Variants in ASTN1 observed in about 807,000 individuals in gnomAD.
The protein encoded by ASTN1 is astrotactin 1.
Under a neutral mutation model 140.7 loss-of-function variants are expected in ASTN1, and 41 were observed. The ratio of observed to expected loss-of-function variants is 0.29; its 90% CI spans 0.23 to 0.38. The LOEUF (loss-of-function observed/expected upper bound fraction) is 0.38. Ranked by LOEUF, ASTN1 falls within the 10% of genes least tolerant of loss-of-function variation. ASTN1 has a pLI of 1.00. For synonymous variants in ASTN1, 640 were observed against 652.2 expected (o/e 0.98, Z 0.29); for missense variants, 1,479 against 1,678.8 (o/e 0.88, Z 2.08).
chr1:176,857,954 T>C (rs984912062), downstream of ASTN1, among the ~76,000 whole-genome samples: 2 of 152,168 alleles, frequency 1.3e-5, no homozygotes, highest in South Asian at 2.1e-4. Context: ...TGGACACCAA[T>C]AGCCTCAGGG....
intron 8 of ASTN1, among the ~76,000 whole-genome samples, chr1:177,009,659 T>C (rs1675188089): frequency 6.6e-6 from 1 of 152,202 alleles, no homozygotes; most frequent in Admixed American, 6.5e-5. Context: ...TAAGTGAATG[T>C]GTGTGTGCCT....
At chr1:177,038,735 A>G (rs1676842757) in intron 2 of ASTN1, among the ~76,000 whole-genome samples, 1 of 152,206 alleles carries the variant, frequency 6.6e-6, no homozygotes, top group African/African-American at 2.4e-5. Flanking sequence ...TGTTATGAAG[A>G]TAATGCGGTG....
Position 176,876,037 on chromosome 1 carries a change from A to G in ASTN1, c.3463+500T>C, listed in dbSNP as rs1668543892. 2.0e-5 allele frequency among the ~76,000 whole-genome samples: 3 copies of G among 152,368 alleles called. No homozygotes were observed. The South Asian group carries it at 6.2e-4, about 32-fold the overall frequency. ...TTGTACTAAAGACAGCCAGCTATTT[A>G]TCAAAGAACTGGCCCACAACTTCAA... On this transcript the variant is annotated intron_variant, in intron 21 of 22. Coordinates refer to ENST00000361833, the MANE Select transcript of ASTN1 (RefSeq NM_004319.3).
Position 176,945,150 on chromosome 1 carries a change from C to T in ASTN1, c.2249+776G>A, listed in dbSNP as rs549925737. On this transcript the variant is annotated intron_variant, in intron 13 of 22. Coordinates refer to ENST00000361833, the MANE Select transcript of ASTN1 (RefSeq NM_004319.3). ...CAGGGACAGGCATTGAATGGAGAAC[C>T]ACCTAGAAATATTCTAAATCAATGG... Among the ~76,000 whole-genome samples the T allele has an allele frequency of 4.6e-5, 7 of 152,092 alleles. No individual in the cohort carries two copies. In the South Asian group the frequency reaches 6.2e-4, roughly 14 times the overall value.
intron 9 of ASTN1, 87 bp downstream of exon 9, chr1:176,965,076 A>C (rs904671108): frequency 7.7e-7 from 1 of 1,297,836 alleles, no homozygotes; most frequent in East Asian, 2.3e-5. Flanking sequence ...CCTATTTTAT[A>C]CTTTACCAAC....
chr1:176,922,502 G>A (rs1670772032), intron 16 of ASTN1, among the ~76,000 whole-genome samples: 1 of 143,590 alleles, frequency 7.0e-6, no homozygotes. Context: ...GGCCAGCCTG[G>A]GATTCTTTTC....
intron 9 of ASTN1, among the ~76,000 whole-genome samples, chr1:176,964,081 A>G (rs1672773088): frequency 6.6e-6 from 1 of 152,186 alleles, no homozygotes; most frequent in Non-Finnish European, 1.5e-5. Context: ...CTACAGGAGG[A>G]GCAGTAGAAG....
rs2103006786 is a variant in ASTN1, at chr1:176,863,303, T to C, written c.*981A>G. On this transcript the variant is annotated 3_prime_UTR_variant, in exon 23 of 23. Transcript: ENST00000361833. ...TAGCTTTAGTTCACTGTAACACTGA[T>C]ATGAAAGTGTTGACCCCTCCTGGTC... 4 of 985,878 alleles carry C rather than the reference T, an allele frequency of 4.1e-6. No individual in the cohort carries two copies. Among genetic ancestry groups the C allele is most frequent in the Non-Finnish European group, 4.8e-6 (4 of 829,938 alleles). 61.1% of individuals were successfully genotyped at this position (985,878 alleles called of 1,614,324 possible).
intron 14 of ASTN1, among the ~76,000 whole-genome samples, chr1:176,938,879 C>T (rs1459012889): frequency 1.3e-5 from 2 of 151,934 alleles, no homozygotes; most frequent in Non-Finnish European, 2.9e-5. Context: ...TTTGGGAGGC[C>T]GAGGCAGGCA....
chr1:177,108,655 T>C (rs1680669347), intron 1 of ASTN1, among the ~76,000 whole-genome samples: 1 of 152,190 alleles, frequency 6.6e-6, no homozygotes, highest in Non-Finnish European at 1.5e-5. Context: ...ACCTTTTGGT[T>C]ATTGTGGATA....
At chr1:177,066,350 T>A (rs914242185) in intron 1 of ASTN1, among the ~76,000 whole-genome samples, 16 of 152,138 alleles carry the variant, frequency 1.1e-4, no homozygotes, top group Admixed American at 2.6e-4. Context: ...ATTGGAATAA[T>A]GAGATCTTGG....
intron 16 of ASTN1, among the ~76,000 whole-genome samples, chr1:176,921,605 T>C (rs1429163288): frequency 1.3e-5 from 2 of 152,204 alleles, no homozygotes; most frequent in East Asian, 3.9e-4. Flanking sequence ...CAATCACTAA[T>C]TGGAGGTACA....
chr1:177,130,020 T>C lies in ASTN1; in HGVS notation c.283+34374A>G, dbSNP rs559394132. On this transcript the variant is annotated intron_variant, in intron 1 of 22. Transcript: ENST00000361833. ...AAAGAACACTTCAATGTGAGTATTA[T>C]TACCTGCATTTCACAGATTAGAAAG... Among the ~76,000 whole-genome samples, 12 of 152,266 alleles carry C rather than the reference T, an allele frequency of 7.9e-5. No homozygotes were observed. In the East Asian group the frequency reaches 2.3e-3, roughly 29 times the overall value.
chr1:176,867,335 A>C (rs191862523), intron 22 of ASTN1, among the ~76,000 whole-genome samples: 3 of 152,220 alleles, frequency 2.0e-5, no homozygotes, highest in Non-Finnish European at 4.4e-5. Flanking sequence ...AGAGGGGAGC[A>C]GAGAGGAAAG....
chr1:177,071,302 C>A (rs1251511017), intron 1 of ASTN1, among the ~76,000 whole-genome samples: 1 of 152,202 alleles, frequency 6.6e-6, no homozygotes, highest in African/African-American at 2.4e-5. Context: ...TTGTCAGGCA[C>A]TTAGCAAGGC....
chr1:176,967,226 A>G (rs1287811774), intron 8 of ASTN1, among the ~76,000 whole-genome samples: 1 of 152,208 alleles, frequency 6.6e-6, no homozygotes, highest in Non-Finnish European at 1.5e-5. Context: ...CTCTTGCATC[A>G]AATAAAAGGC....
At chr1:176,874,229 C>CA (rs1294137204) in intron 21 of ASTN1, among the ~76,000 whole-genome samples, 8 of 152,232 alleles carry the variant, frequency 5.3e-5, no homozygotes, top group Non-Finnish European at 1.2e-4. Context: ...CCTCTGCAGA[C>CA]AGTCTCTCAT....
rs192027544 is a variant in ASTN1 at position 177,134,929 on chromosome 1, G to A, written c.283+29465C>T. Among the ~76,000 whole-genome samples the A allele has an allele frequency of 1.2e-3, 185 of 152,276 alleles. 1 individual carries two copies. Among genetic ancestry groups the A allele is most frequent in the African/African-American group, 4.3e-3 (178 of 41,556 alleles). On this transcript the variant is annotated intron_variant, in intron 1 of 22. Transcript: ENST00000361833. ...GACCTGAAAAAGAACAGGATGCCAG[G>A]AAAGACATTATAGCAGATGAATAAT...
intron 1 of ASTN1, among the ~76,000 whole-genome samples, chr1:177,149,884 T>C (rs906783418): frequency 4.2e-5 from 6 of 142,276 alleles, no homozygotes; most frequent in Non-Finnish European, 7.5e-5. Flanking sequence ...ACAGTGTATA[T>C]ATATAGTAAA....
Sources: allele counts gnomAD v4.1 joint callset (sites outside exome capture counted in the v4.1 genomes callset), GRCh38; gene constraint gnomAD v4.1.1; transcripts MANE v1.5; gene names NCBI Gene and HGNC (gene_info 2026-07-23, HGNC 2026-07-21).